The following SYNDIG1 variants were observed in gnomAD, a reference collection of about 807,000 sequenced individuals.
SYNDIG1 encodes synapse differentiation-inducing gene protein 1.
SYNDIG1 carries 9 observed loss-of-function variants against 19.4 expected under a neutral mutation model. That is an observed-to-expected ratio of 0.46 (90% CI 0.28 to 0.81). SYNDIG1 has a LOEUF of 0.81. Among genes scored for constraint, SYNDIG1 ranks in the 30% least tolerant of loss-of-function variants. SYNDIG1 has a pLI of 0.12. For synonymous variants in SYNDIG1, 141 were observed against 145.9 expected (o/e 0.97, Z 0.24); for missense variants, 311 against 343.3 (o/e 0.91, Z 0.74).
chr20:24,559,386 C>A (rs2057891476), intron 2 of SYNDIG1, among the ~76,000 whole-genome samples: 1 of 152,138 alleles, frequency 6.6e-6, no homozygotes. Flanking sequence ...AAAGCCATGA[C>A]CTGACCACTA....
At chr20:24,487,049 G>T (rs937685688) in intron 1 of SYNDIG1, among the ~76,000 whole-genome samples, 8 of 152,024 alleles carry the variant, frequency 5.3e-5, no homozygotes, top group African/African-American at 1.2e-4. Context: ...GGCCAAGGTT[G>T]GGGGGAGAGG....
intron 3 of SYNDIG1, among the ~76,000 whole-genome samples, chr20:24,664,470 CA>C (rs893641880): frequency 1.3e-4 from 20 of 152,126 alleles, no homozygotes; most frequent in Non-Finnish European, 8.8e-5. Context: ...GCTTGGGAGT[CA>C]ACCCTCCTCA....
At chr20:24,529,971 A>AAGG (rs1568614687) in intron 1 of SYNDIG1, among the ~76,000 whole-genome samples, 19 of 2,804 alleles carry the variant, frequency 6.8e-3, no homozygotes, top group South Asian at 0.025. Flanking sequence ...GGGAATAATG[A>AAGG]TGGTGATGGT....
At chr20:24,644,954 A>G (rs2059409935) in intron 3 of SYNDIG1, among the ~76,000 whole-genome samples, 1 of 152,246 alleles carries the variant, frequency 6.6e-6, no homozygotes, top group South Asian at 2.1e-4. Context: ...TCTTCAGCTT[A>G]CAGATGAGGA....
intron 1 of SYNDIG1, among the ~76,000 whole-genome samples, chr20:24,482,061 C>T (rs912772660): frequency 8.5e-5 from 13 of 152,282 alleles, no homozygotes; most frequent in Admixed American, 3.3e-4. Context: ...ATAATCCTCA[C>T]AGAGCAAATA....
At chr20:24,500,522 CTTTCTTTCTTCTTTCT>C (rs1420570969) in intron 1 of SYNDIG1, among the ~76,000 whole-genome samples, 1 of 131,166 alleles carries the variant, frequency 7.6e-6, no homozygotes, top group Non-Finnish European at 1.7e-5. Flanking sequence ...TTCTTTCTTT[CTTTCTTTCTTCTTTCT>C]TTCTTTCTTT....
intron 1 of SYNDIG1, among the ~76,000 whole-genome samples, chr20:24,522,428 T>C (rs1216406447): frequency 2.0e-5 from 3 of 152,338 alleles, no homozygotes; most frequent in Admixed American, 2.0e-4. Context: ...CTTTAAATTC[T>C]ACCAGTGGAC....
intron 1 of SYNDIG1, among the ~76,000 whole-genome samples, chr20:24,529,240 G>A (rs1363424341): frequency 6.6e-6 from 1 of 152,172 alleles, no homozygotes. Flanking sequence ...GGACATCACT[G>A]TTGATGGTAA....
At chr20:24,604,961 T>A (rs1296485852) in intron 3 of SYNDIG1, among the ~76,000 whole-genome samples, 1 of 152,192 alleles carries the variant, frequency 6.6e-6, no homozygotes, top group East Asian at 1.9e-4. Context: ...TCCCATCTAA[T>A]GAATGCATCT....
At chr20:24,573,083 C>T (rs1568652553) in intron 2 of SYNDIG1, among the ~76,000 whole-genome samples, 1 of 152,110 alleles carries the variant, frequency 6.6e-6, no homozygotes, top group Non-Finnish European at 1.5e-5. Flanking sequence ...TGGCTCCTGG[C>T]GGTGGTTCTG....
intron 2 of SYNDIG1, among the ~76,000 whole-genome samples, chr20:24,561,716 G>A (rs749334642): frequency 6.6e-5 from 10 of 152,078 alleles, no homozygotes; most frequent in Non-Finnish European, 1.2e-4. Context: ...GCATGAGATC[G>A]GCCTGCCTCC....
At chr20:24,609,963 C>T (rs2058821164) in intron 3 of SYNDIG1, among the ~76,000 whole-genome samples, 1 of 152,138 alleles carries the variant, frequency 6.6e-6, no homozygotes, top group East Asian at 1.9e-4. Flanking sequence ...ATCCCACGTG[C>T]AACACTGCTC....
chr20:24,537,993 C>T (rs2057395075), intron 1 of SYNDIG1, among the ~76,000 whole-genome samples: 1 of 152,070 alleles, frequency 6.6e-6, no homozygotes, highest in Non-Finnish European at 1.5e-5. Context: ...TAAACAAGTC[C>T]CAGACAGTGT....
chr20:24,659,916 A>G (rs964801126), intron 3 of SYNDIG1, among the ~76,000 whole-genome samples: 21 of 152,218 alleles, frequency 1.4e-4, no homozygotes, highest in Non-Finnish European at 3.1e-4. Context: ...TCATTTCTAA[A>G]GTAAGGTAGT....
At chr20:24,533,362 A>G (rs1358558066) in intron 1 of SYNDIG1, among the ~76,000 whole-genome samples, 1 of 152,162 alleles carries the variant, frequency 6.6e-6, no homozygotes, top group Non-Finnish European at 1.5e-5. Flanking sequence ...AGTTCTGACC[A>G]CAGAAACAAA....
At chr20:24,614,714 T>G (rs2147194166) in intron 3 of SYNDIG1, among the ~76,000 whole-genome samples, 1 of 152,246 alleles carries the variant, frequency 6.6e-6, no homozygotes, top group Middle Eastern at 3.4e-3. Flanking sequence ...TTGGAAGTTG[T>G]CAGGGTATAA....
intron 1 of SYNDIG1, among the ~76,000 whole-genome samples, chr20:24,488,520 T>A (rs1228998180): frequency 6.6e-6 from 1 of 152,262 alleles, no homozygotes; most frequent in Non-Finnish European, 1.5e-5. Context: ...ACACTTCATC[T>A]GCTTCAAGCC....
chr20:24,602,305 T>G (rs1435859618), intron 3 of SYNDIG1, among the ~76,000 whole-genome samples: 53 of 152,210 alleles, frequency 3.5e-4, no homozygotes, highest in Admixed American at 3.4e-3. Context: ...GATGCCACCT[T>G]TCTTCAGATA....
At chr20:24,500,682 A>G (rs892850254) in intron 1 of SYNDIG1, among the ~76,000 whole-genome samples, 5 of 152,012 alleles carry the variant, frequency 3.3e-5, no homozygotes, top group African/African-American at 1.2e-4. Context: ...CTTTCTTTAG[A>G]CTTGACCTCA....
Sources: allele counts gnomAD v4.1 joint callset (sites outside exome capture counted in the v4.1 genomes callset), GRCh38; gene constraint gnomAD v4.1.1; transcripts MANE v1.5; gene names NCBI Gene and HGNC (gene_info 2026-07-23, HGNC 2026-07-21).